The following ANKRD11 variants were observed in gnomAD, a reference collection of about 807,000 sequenced individuals.
ANKRD11 encodes the protein ankyrin repeat domain 11.
Under a neutral mutation model 195.7 loss-of-function variants are expected in ANKRD11, and 17 were observed. The ratio of observed to expected loss-of-function variants is 0.09; its 90% confidence interval spans 0.06 to 0.13. The LOEUF is 0.13. Among genes scored for constraint, ANKRD11 ranks in the 10% least tolerant of loss-of-function variants. The probability of loss-of-function intolerance (pLI) is 1.00; values close to 1 mark genes in which losing one functional copy is unlikely to be tolerated. For synonymous variants in ANKRD11, 1,953 were observed against 1,528.1 expected, an observed-to-expected ratio of 1.28 and a Z score of -6.49; for missense variants, 3,735 against 3,566.1, an observed-to-expected ratio of 1.05 and a Z score of -1.21.
chr16:89,436,625 T>G (rs1387248571), intron 1 of ANKRD11, among the ~76,000 whole-genome samples: 1 of 152,222 alleles, frequency 6.6e-6, no homozygotes, highest in African/African-American at 2.4e-5. Flanking sequence ...GCATCAGCCA[T>G]CAGAGCTCTT....
chr16:89,459,847 C>T (rs529352613), intron 1 of ANKRD11, among the ~76,000 whole-genome samples: 3 of 151,526 alleles, frequency 2.0e-5, no homozygotes, highest in South Asian at 4.2e-4. Context: ...CCTGGAGGAT[C>T]GCTTGAGCCC....
rs77482689 is a variant in ANKRD11, at chr16:89,269,447, T to C, written c.7807-784A>G. 1.4e-3 allele frequency among the ~76,000 whole-genome samples: 206 copies of C among 152,260 alleles called. 1 individual carries two copies. Among genetic ancestry groups the C allele is most frequent in the African/African-American group, 4.8e-3 (201 of 41,550 alleles). The stretch of plus-strand genomic sequence containing the variant: ...GCTCAGGATGGATTCACAATCCTCC[T>C]CAATGGGCCTCATAGCTTTTACTCG... On this transcript the variant is annotated intron_variant, in intron 12 of 12. Transcript: ENST00000301030.
intron 4 of ANKRD11, among the ~76,000 whole-genome samples, chr16:89,292,724 T>C (rs746483666): frequency 4.6e-5 from 7 of 152,184 alleles, no homozygotes; most frequent in Non-Finnish European, 7.4e-5. Flanking sequence ...CAGCCCCTCA[T>C]AGAACCTGGC....
At chr16:89,328,986 T>C (rs1166912936) in intron 2 of ANKRD11, 1 of 137,940 alleles carries the variant, frequency 7.2e-6, no homozygotes, top group African/African-American at 2.8e-5. Context: ...GCTGAGTGAG[T>C]GGACATACCC....
intron 2 of ANKRD11, among the ~76,000 whole-genome samples, chr16:89,383,551 G>A (rs1567727614): frequency 6.6e-6 from 1 of 152,362 alleles, no homozygotes; most frequent in East Asian, 1.9e-4. Context: ...GAGCCATGAA[G>A]TTCCCATGGA....
chr16:89,476,717 T>C (rs1411468036), intron 1 of ANKRD11, among the ~76,000 whole-genome samples: 2 of 152,196 alleles, frequency 1.3e-5, no homozygotes, highest in Non-Finnish European at 2.9e-5. Context: ...CCTAGAGGTA[T>C]ACTACACTTC....
intron 1 of ANKRD11, among the ~76,000 whole-genome samples, chr16:89,444,739 C>T (rs1196670106): frequency 2.6e-5 from 4 of 152,116 alleles, no homozygotes; most frequent in Middle Eastern, 3.2e-3. Flanking sequence ...AGCCCATGAG[C>T]TCAAGACCAG....
At chr16:89,363,789 C>T (rs76828549) in intron 2 of ANKRD11, among the ~76,000 whole-genome samples, 3,195 of 152,264 alleles carry the variant, frequency 0.021, 125 homozygotes, top group African/African-American at 0.073. Context: ...TATGCGGTGA[C>T]TCATGCCTGG....
chr16:89,338,903 C>CA (rs775295551), intron 2 of ANKRD11, among the ~76,000 whole-genome samples: 5 of 151,938 alleles, frequency 3.3e-5, no homozygotes, highest in Non-Finnish European at 5.9e-5. Flanking sequence ...TAATTAGTAA[C>CA]AAAAAAATCA....
At chr16:89,435,021 T>TGAGAGGTGAAGCCAGCTGGGCTTCTGGG (rs2043153907) in intron 1 of ANKRD11, among the ~76,000 whole-genome samples, 1 of 152,112 alleles carries the variant, frequency 6.6e-6, no homozygotes, top group African/African-American at 2.4e-5. Context: ...CAGCTCTTCA[T>TGAGAGGTGAAGCCAGCTGGGCTTCTGGG]GAGAGGTGAA....
chr16:89,336,675 C>T (rs944418554), intron 2 of ANKRD11, among the ~76,000 whole-genome samples: 10 of 152,334 alleles, frequency 6.6e-5, no homozygotes, highest in Admixed American at 2.6e-4. Flanking sequence ...ACAGGGAGCA[C>T]AGGCACTAGG....
chr16:89,291,322 G>T lies in ANKRD11; in HGVS notation c.227-139C>A. ...AGCAGAAAGGAAGGTCTGTGTATGG[G>T]GAAAGCACAGCGGTGCTGGGAGCAT... On this transcript the variant is annotated intron_variant, in intron 4 of 12. Coordinates refer to ENST00000301030, the MANE Select transcript of ANKRD11 (RefSeq NM_013275.6). This position sits in a 1 kb window ranked among gnomAD's most constrained non-coding sequence, Gnocchi z 5.3. 9.0e-7 allele frequency: 1 copy of T among 1,115,812 alleles called. No homozygotes were observed. The highest frequency in any genetic ancestry group is 1.4e-5 in the South Asian group (1 of 73,064). The allele number at this position is 1,115,812 out of a possible 1,614,324, so 69.1% of individuals were successfully genotyped here.
At chr16:89,476,051 C>CAAA (rs558174138) in intron 1 of ANKRD11, among the ~76,000 whole-genome samples, 1 of 66,244 alleles carries the variant, frequency 1.5e-5, no homozygotes, top group Non-Finnish European at 3.0e-5. Flanking sequence ...GACTGTGTCT[C>CAAA]AAAAAAAAAA....
At chr16:89,403,030 C>A (rs1230370060) in intron 2 of ANKRD11, among the ~76,000 whole-genome samples, 1 of 152,342 alleles carries the variant, frequency 6.6e-6, no homozygotes, top group African/African-American at 2.4e-5. Context: ...CCAGGCTCCA[C>A]ATGGGCACTG....
chr16:89,380,566 C>T lies in ANKRD11; in HGVS notation c.-60+37718G>A, dbSNP rs558890489. On this transcript the variant is annotated intron_variant, in intron 2 of 12. Transcript: ENST00000301030. ...ACGAAGAGCAGCCCCAGGACCTGCCCGCTGCCTTGGGACTTGTGAAAGCAT... is the reference window on the plus strand; with the variant it reads ...ACGAAGAGCAGCCCCAGGACCTGCCTGCTGCCTTGGGACTTGTGAAAGCAT... Among the ~76,000 whole-genome samples, 1,492 of 152,322 alleles carry T rather than the reference C, an allele frequency of 9.8e-3. 9 individuals are homozygous for T. Among genetic ancestry groups the T allele is most frequent in the Middle Eastern group, 0.031 (9 of 294 alleles).
At chr16:89,481,872 G>C (rs2057455500) in intron 1 of ANKRD11, among the ~76,000 whole-genome samples, 1 of 151,714 alleles carries the variant, frequency 6.6e-6, no homozygotes, top group African/African-American at 2.4e-5. Flanking sequence ...GATTTCTGCA[G>C]TGACATTCTA....
rs555099035 is a variant in ANKRD11 at position 89,295,692 on chromosome 16, G to T, written c.227-4509C>A. Among the ~76,000 whole-genome samples the T allele has an allele frequency of 4.0e-5, 6 of 151,780 alleles. No homozygotes were observed. The South Asian group carries it at 1.3e-3, about 32-fold the overall frequency. Reference sequence around the variant, plus strand: ...AGCAGAGACTGGAGGCGAGCGTCCCGAGGCAAACGGCGGTGGCACCTGGCT... The same window carrying T: ...AGCAGAGACTGGAGGCGAGCGTCCCTAGGCAAACGGCGGTGGCACCTGGCT... On this transcript the variant is annotated intron_variant, in intron 4 of 12. Transcript: ENST00000301030.
chr16:89,344,761 A>G (rs965157243), intron 2 of ANKRD11, among the ~76,000 whole-genome samples: 3 of 152,206 alleles, frequency 2.0e-5, no homozygotes, highest in Non-Finnish European at 4.4e-5. Flanking sequence ...GCACGGGAGC[A>G]CAGCGGAGGG....
rs58503159 is a variant in ANKRD11, at chr16:89,435,796, TCACACACACACACACACACACACA to T, written c.-144-17452_-144-17429del. On this transcript the variant is annotated intron_variant, in intron 1 of 12. Coordinates refer to ENST00000301030, the MANE Select transcript of ANKRD11 (RefSeq NM_013275.6). ...TGACGCACCCACAGCCACCAGCTCTTCACACACACACACACACACACACACACACACACACACACGCTTTCGGTC... is the reference window on the plus strand; with the variant it reads ...TGACGCACCCACAGCCACCAGCTCTTCACACACACACACACGCTTTCGGTC... Among the ~76,000 whole-genome samples, 16 of 143,110 alleles carry T rather than the reference TCACACACACACACACACACACACA, an allele frequency of 1.1e-4. No individual in the cohort carries two copies. The South Asian group carries it at 3.2e-3, about 29-fold the overall frequency. 93.9% of individuals were successfully genotyped at this position (143,110 alleles called of 152,430 possible). A position where few individuals can be genotyped will look rare whatever the true frequency, so the allele number is the denominator to read the frequency against.
Sources: gnomAD v4.1 joint callset for allele counts (sites outside exome capture counted in the v4.1 genomes callset) on GRCh38, gnomAD v4.1.1 for gene constraint, Gnocchi (gnomAD v3.1) non-coding constraint, MANE v1.5 for transcripts, NCBI Gene and HGNC (gene_info 2026-07-23, HGNC 2026-07-21) for gene names.